Variants in ITGAE observed in about 807,000 individuals in gnomAD.
The protein encoded by ITGAE is integrin alpha-E.
ITGAE carries 99 observed loss-of-function variants against 136.5 expected under a neutral mutation model. The ratio of observed to expected loss-of-function variants is 0.73; its 90% CI spans 0.62 to 0.86. The LOEUF is 0.86. Among genes scored for constraint, ITGAE ranks in the 40% least tolerant of loss-of-function variants. The probability of loss-of-function intolerance (pLI) is 0.00; values close to 1 mark genes in which losing one functional copy is unlikely to be tolerated. For missense variants in ITGAE, 1,447 were observed against 1,515.3 expected (o/e 0.95, Z 0.75); for synonymous variants, 613 against 591.8 (o/e 1.04, Z -0.52).
chr17:3,752,340 T>A (rs1029018144), intron 14 of ITGAE, among the ~76,000 whole-genome samples: 2 of 152,232 alleles, frequency 1.3e-5, no homozygotes, highest in Admixed American at 1.3e-4. Flanking sequence ...TCGGCATCAC[T>A]GAGGCTCGCC....
At chr17:3,780,560 A>T (rs1160704289) in intron 1 of ITGAE, among the ~76,000 whole-genome samples, 1 of 151,970 alleles carries the variant, frequency 6.6e-6, no homozygotes, top group Non-Finnish European at 1.5e-5. Flanking sequence ...GGCCTCCCAA[A>T]GTGCTGGGAT....
intron 1 of ITGAE, among the ~76,000 whole-genome samples, chr17:3,779,857 C>A (rs75787580): frequency 0.015 from 2,311 of 152,258 alleles, 58 homozygotes; most frequent in African/African-American, 0.053. Context: ...AGAGGTTTTG[C>A]CAATTCATAC....
At chr17:3,746,100 C>T (rs1476238068) in intron 17 of ITGAE, among the ~76,000 whole-genome samples, 173 bp from the exon 18 acceptor site, 1 of 152,206 alleles carries the variant, frequency 6.6e-6, no homozygotes, top group Non-Finnish European at 1.5e-5. Flanking sequence ...TTCTCACCGT[C>T]TTCTGACACC....
Position 3,732,482 on chromosome 17 carries a change from A to T in ITGAE, c.2656-16T>A. On this transcript the variant is annotated splice_polypyrimidine_tract_variant and intron_variant, in intron 21 of 30. Transcript: ENST00000263087. ...GAGAGGGAGGCTGTTAAAAGAGCAGATGACATTCTCTTAAAGAGCCAAACA... is the reference window on the plus strand; with the variant it reads ...GAGAGGGAGGCTGTTAAAAGAGCAGTTGACATTCTCTTAAAGAGCCAAACA... 6.2e-7 allele frequency: 1 copy of T among 1,600,778 alleles called. No homozygotes were observed.
intron 2 of ITGAE, 124 bp downstream of exon 2, chr17:3,777,416 A>T: frequency 7.8e-7 from 1 of 1,278,244 alleles, no homozygotes; most frequent in Non-Finnish European, 1.1e-6. Flanking sequence ...CCCTTCTGAA[A>T]GAGAAAGGAG....
chr17:3,787,224 G>A lies in ITGAE; in HGVS notation c.35-9564C>T, dbSNP rs530980127. 1.8e-4 allele frequency among the ~76,000 whole-genome samples: 27 copies of A among 151,736 alleles called. No homozygotes were observed. The East Asian group carries it at 4.9e-3, about 28-fold the overall frequency. ...CCTCCCTGGTTCAAGCGATTCTCCT[G>A]CCTCAGCCTCCCAAGTAGCTGGGAT... On this transcript the variant is annotated intron_variant, in intron 1 of 30. Transcript: ENST00000263087.
At chr17:3,743,824 G>T (rs767975727) in intron 18 of ITGAE, among the ~76,000 whole-genome samples, 1 of 146,852 alleles carries the variant, frequency 6.8e-6, no homozygotes, top group Non-Finnish European at 1.5e-5. Flanking sequence ...TACCTCAGCC[G>T]CCCGAGTAGC....
intron 17 of ITGAE, among the ~76,000 whole-genome samples, chr17:3,747,556 G>A (rs765849611): frequency 4.0e-5 from 6 of 151,886 alleles, no homozygotes; most frequent in Admixed American, 6.6e-5. Context: ...TGATCTGCCC[G>A]CCTTGGCCTC....
In ITGAE at chr17:3,725,032, C is replaced by T. The variant is rs199928938; in HGVS notation, c.3085-1288G>A. 5.0e-6 allele frequency: 8 copies of T among 1,614,210 alleles called. No individual in the cohort carries two copies. Among genetic ancestry groups the T allele is most frequent in the African/African-American group, 4.0e-5 (3 of 75,062 alleles). ...AAGGGCCAAAAGCTGGGAAAAGATT[C>T]GTTCCCCACCCAGGACCTGACTCCT... is the stretch of plus-strand genomic sequence containing the variant. On this transcript the variant is annotated intron_variant, in intron 26 of 30. Transcript: ENST00000263087.
At chr17:3,782,986 T>C (rs2052699610) in intron 1 of ITGAE, among the ~76,000 whole-genome samples, 1 of 152,170 alleles carries the variant, frequency 6.6e-6, no homozygotes, top group South Asian at 2.1e-4. Flanking sequence ...ATATGCCTGC[T>C]TTTGCTGATG....
In ITGAE at chr17:3,728,147, G is replaced by T; in HGVS notation, c.2934C>A (p.Asn978Lys). 8.7e-6 allele frequency: 14 copies of T among 1,613,218 alleles called. No individual in the cohort carries two copies. The highest frequency in any genetic ancestry group is 1.1e-5 in the Non-Finnish European group (13 of 1,179,144). ...VLSKPSIMYV[N>K]TGQGLSHHKE... ...TGTGGTGAGAAAGCCCCTGGCCTGTGTTCACGTACATTATGGATGGTCTGC... is the reference window on the plus strand; with the variant it reads ...TGTGGTGAGAAAGCCCCTGGCCTGTTTTCACGTACATTATGGATGGTCTGC... Residue 978 changes from asparagine to lysine, a missense_variant, in exon 25 of 31, where the codon AAC becomes AAA. Around this residue, in one of 3 missense-constraint regions of ITGAE, gnomAD observed 1,031 missense variants for 1,011.4 expected, o/e 1.02. Transcript: ENST00000263087.
chr17:3,741,717 A>G (rs1055892802), intron 19 of ITGAE, among the ~76,000 whole-genome samples: 7 of 152,244 alleles, frequency 4.6e-5, no homozygotes, highest in African/African-American at 1.7e-4. Flanking sequence ...ACAAGTCCAC[A>G]TTAGGTGCCT....
At chr17:3,759,147 A>AC (rs992127206) in intron 8 of ITGAE, among the ~76,000 whole-genome samples, 8 of 151,468 alleles carry the variant, frequency 5.3e-5, no homozygotes, top group Middle Eastern at 3.2e-3. Context: ...AAAAAAAAAA[A>AC]ACCAGAGCTG....
intron 4 of ITGAE, 44 bp from the exon 5 acceptor site, chr17:3,761,564 C>A: frequency 6.5e-7 from 1 of 1,532,000 alleles, no homozygotes; most frequent in East Asian, 2.3e-5. Context: ...GGTCACCTCC[C>A]GATTCCCGAG....
At chr17:3,793,639 G>A (rs1315913140) in intron 1 of ITGAE, among the ~76,000 whole-genome samples, 4 of 152,330 alleles carry the variant, frequency 2.6e-5, no homozygotes, top group South Asian at 2.1e-4. Context: ...AGCACCTACC[G>A]AGTGTAGGCC....
At chr17:3,744,092 C>A (rs371888766) in intron 18 of ITGAE, among the ~76,000 whole-genome samples, 2 of 151,808 alleles carry the variant, frequency 1.3e-5, no homozygotes, top group African/African-American at 4.8e-5. Context: ...CTCACTGCAG[C>A]CTCAACCACC....
At position 3,724,188 on chromosome 17, in the gene ITGAE, G is replaced by A. The variant is rs1171036765; in HGVS notation, c.3085-444C>T. 1.9e-6 allele frequency: 3 copies of A among 1,591,792 alleles called. No individual in the cohort carries two copies. The highest frequency in any genetic ancestry group is 2.5e-6 in the Non-Finnish European group (3 of 1,176,550). On this transcript the variant is annotated intron_variant, in intron 26 of 30. Transcript: ENST00000263087. ...GAGGCGGCGGCGGAGGCGTCCCGGC[G>A]GCCGAGTGCCCAAGGACCGGCCCAG...
intron 2 of ITGAE, among the ~76,000 whole-genome samples, chr17:3,771,673 A>T (rs1048292824): frequency 6.7e-6 from 1 of 150,298 alleles, no homozygotes; most frequent in Non-Finnish European, 1.5e-5. Flanking sequence ...AGTAGCTGGG[A>T]TTACAAGCGC....
chr17:3,727,989 A>C lies in ITGAE; in HGVS notation c.3014T>G (p.Leu1005Trp). The C allele has an allele frequency of 2.5e-6, 4 of 1,614,162 alleles. No homozygotes were observed. The highest frequency in any genetic ancestry group is 3.4e-6 in the Non-Finnish European group (4 of 1,179,994). Residue 1005 changes from leucine to tryptophan, a missense_variant, in exon 26 of 31, where the codon TTG (leucine) becomes TGG (tryptophan). This residue lies in a region of ITGAE where 1,031 missense variants were observed against 1,011.4 expected (regional missense o/e 1.02). Transcript: ENST00000263087. ...GENLFGAEYQ[L>W]QICVPTKLRG... Reference sequence around the variant, plus strand: ...TAATTTGGTTGGGACGCAAATTTGCAACTGGTATTCTGCTCCAAAGAGGTT... The same window carrying C: ...TAATTTGGTTGGGACGCAAATTTGCCACTGGTATTCTGCTCCAAAGAGGTT...
Sources: gnomAD v4.1 joint callset for allele counts (sites outside exome capture counted in the v4.1 genomes callset) on GRCh38, gnomAD v4.1.1 for gene constraint, gnomAD v4.1.1 regional missense constraint, MANE v1.5 for transcripts, NCBI Gene and HGNC (gene_info 2026-07-23, HGNC 2026-07-21) for gene names.